Variants in DAB1 observed in about 807,000 individuals in gnomAD.
DAB1 encodes the protein disabled homolog 1.
In DAB1, 15 loss-of-function variants were observed where a neutral mutation model predicts 64.6. That is an observed-to-expected ratio of 0.23 (90% CI 0.16 to 0.36). DAB1 has a LOEUF of 0.36. Among genes scored for constraint, DAB1 ranks in the 10% least tolerant of loss-of-function variants. The pLI, the probability that DAB1 is intolerant of heterozygous loss-of-function variation, is 1.00. For missense variants in DAB1, 596 were observed against 706.7 expected (o/e 0.84, Z 1.78); for synonymous variants, 235 against 251.9 (o/e 0.93, Z 0.64).
Position 57,072,277 on chromosome 1 carries a change from A to T in DAB1, c.438+6T>A. On this transcript the variant is annotated splice_donor_region_variant and intron_variant, in intron 5 of 14. Transcript: ENST00000371236. ...AAAGACTCCCTTCTTGGATAGGGATACTCACCGCCTGGGCTGTTTTTATGG... is the reference window on the plus strand; with the variant it reads ...AAAGACTCCCTTCTTGGATAGGGATTCTCACCGCCTGGGCTGTTTTTATGG... 1 of 1,613,148 alleles carries T rather than the reference A, an allele frequency of 6.2e-7. No individual in the cohort carries two copies. The highest frequency in any genetic ancestry group is 8.5e-7 in the Non-Finnish European group (1 of 1,179,404).
At chr1:58,497,686 C>T (rs562452519) in intron 3 of DAB1, among the ~76,000 whole-genome samples, 25 of 152,268 alleles carry the variant, frequency 1.6e-4, no homozygotes, top group Admixed American at 3.9e-4. Context: ...AAGTATGTCT[C>T]CCTCTCTGTA....
intron 7 of DAB1, among the ~76,000 whole-genome samples, chr1:57,551,871 AT>A (rs1558485162): frequency 6.6e-6 from 1 of 152,150 alleles, no homozygotes; most frequent in Non-Finnish European, 1.5e-5. Flanking sequence ...GGCACTCATA[AT>A]TATTAACCAG....
At chr1:58,483,309 A>G (rs1402914198) in intron 3 of DAB1, among the ~76,000 whole-genome samples, 2 of 152,168 alleles carry the variant, frequency 1.3e-5, no homozygotes, top group Non-Finnish European at 2.9e-5. Context: ...TGAGTGGGGT[A>G]TGGTAGGGGC....
chr1:57,262,528 A>G (rs908694566), intron 2 of DAB1, among the ~76,000 whole-genome samples: 1 of 152,198 alleles, frequency 6.6e-6, no homozygotes, highest in Admixed American at 6.5e-5. Flanking sequence ...CCCAGCCACC[A>G]AATAGGATGT....
Position 57,367,616 on chromosome 1 carries a change from T to C in DAB1, c.-137+56314A>G, listed in dbSNP as rs1210978285. Among the ~76,000 whole-genome samples, 5 of 152,196 alleles carry C rather than the reference T, an allele frequency of 3.3e-5. No individual in the cohort carries two copies. The East Asian group carries it at 9.6e-4, about 29-fold the overall frequency. On this transcript the variant is annotated intron_variant, in intron 1 of 14. Coordinates refer to ENST00000371236, the MANE Select transcript of DAB1 (RefSeq NM_001365792.1). ...ATACCAATGGCAGTGGCGACCTATC[T>C]GGAGCAGCCGTTGCCATCACGCTAG...
chr1:57,187,137 T>G (rs919065014), intron 2 of DAB1, among the ~76,000 whole-genome samples: 6 of 152,208 alleles, frequency 3.9e-5, no homozygotes, highest in African/African-American at 1.4e-4. Context: ...ACATACCTTC[T>G]GTGATTCCCT....
chr1:57,713,618 G>A (rs1382659004), intron 6 of DAB1, among the ~76,000 whole-genome samples: 4 of 152,174 alleles, frequency 2.6e-5, no homozygotes, highest in Admixed American at 1.3e-4. Flanking sequence ...TCCATCTGGT[G>A]GCTGCATGTG....
intron 1 of DAB1, among the ~76,000 whole-genome samples, chr1:57,341,815 C>G (rs1677612454): frequency 6.6e-6 from 1 of 152,180 alleles, no homozygotes; most frequent in South Asian, 2.1e-4. Flanking sequence ...AATGGTCAAA[C>G]AGGTTCAGGG....
chr1:58,493,212 A>G (rs1645731594), intron 3 of DAB1, among the ~76,000 whole-genome samples: 1 of 152,226 alleles, frequency 6.6e-6, no homozygotes, highest in Non-Finnish European at 1.5e-5. Context: ...GACAAAATTC[A>G]ACAGCCCTTC....
chr1:57,593,289 T>A (rs1395501272), intron 7 of DAB1, among the ~76,000 whole-genome samples: 1 of 152,226 alleles, frequency 6.6e-6, no homozygotes, highest in Non-Finnish European at 1.5e-5. Context: ...CTTATTTCAC[T>A]TGGCATAATG....
intron 7 of DAB1, among the ~76,000 whole-genome samples, chr1:57,517,088 T>A (rs1186321446): frequency 6.6e-6 from 1 of 152,222 alleles, no homozygotes; most frequent in African/African-American, 2.4e-5. Context: ...TTTCAAAATC[T>A]CTAGCACAGG....
At chr1:57,950,598 C>A (rs949139972) in intron 5 of DAB1, among the ~76,000 whole-genome samples, 1 of 150,966 alleles carries the variant, frequency 6.6e-6, no homozygotes, top group East Asian at 1.9e-4. Flanking sequence ...ATTCATACTG[C>A]AAAGTTCTGG....
intron 1 of DAB1, among the ~76,000 whole-genome samples, chr1:57,394,208 C>T (rs192524236): frequency 6.6e-6 from 1 of 152,328 alleles, no homozygotes; most frequent in East Asian, 1.9e-4. Context: ...TTTTCCTTAA[C>T]ACAGGTTGAA....
intron 1 of DAB1, chr1:57,878,675 A>G (rs1423031996): frequency 6.6e-6 from 1 of 152,136 alleles, no homozygotes; most frequent in African/African-American, 2.4e-5. Flanking sequence ...TTTATTATTA[A>G]TTTGTGTTGG....
At chr1:58,078,340 C>T (rs1174134821) in intron 5 of DAB1, among the ~76,000 whole-genome samples, 1 of 152,182 alleles carries the variant, frequency 6.6e-6, no homozygotes, top group Non-Finnish European at 1.5e-5. Context: ...TATCACTATA[C>T]CTGAGTTTCC....
intron 2 of DAB1, among the ~76,000 whole-genome samples, chr1:57,215,041 C>T (rs1666325040): frequency 6.6e-6 from 1 of 151,078 alleles, no homozygotes; most frequent in Admixed American, 6.6e-5. Context: ...GACTGGGAGA[C>T]AATGAACTAA....
chr1:58,253,117 C>T (rs191002006), intron 4 of DAB1, among the ~76,000 whole-genome samples: 2 of 152,238 alleles, frequency 1.3e-5, no homozygotes, highest in East Asian at 1.9e-4. Context: ...GATCTGACTT[C>T]GAACCTCTCC....
chr1:58,275,195 G>C (rs960703311), intron 4 of DAB1, among the ~76,000 whole-genome samples: 19 of 152,098 alleles, frequency 1.2e-4, no homozygotes, highest in African/African-American at 4.1e-4. Context: ...ATGAATCAAA[G>C]ATGTAAATAT....
In DAB1 at chr1:58,434,335, A is replaced by G. The variant is rs1569779253; in HGVS notation, n.257+71725T>C. Among the ~76,000 whole-genome samples the G allele has an allele frequency of 2.0e-5, 3 of 152,182 alleles. No homozygotes were observed. The East Asian group carries it at 5.8e-4, about 29-fold the overall frequency. ...GGTGAGAAGTAGTAGCTCTGTGAAT[A>G]CAGTAGTAGCTCTCTGGATATAAAC... is the stretch of plus-strand genomic sequence containing the variant. On this transcript the variant is annotated intron_variant and non_coding_transcript_variant, in intron 3 of 20. Transcript: ENST00000485760.
Sources: allele counts gnomAD v4.1 joint callset (sites outside exome capture counted in the v4.1 genomes callset), GRCh38; gene constraint gnomAD v4.1.1; transcripts MANE v1.5; gene names NCBI Gene and HGNC (gene_info 2026-07-23, HGNC 2026-07-21).